ABCG2: variants seen among roughly 807,000 people sequenced by gnomAD.
ABCG2 encodes the protein ATP binding cassette subfamily G member 2 (JR blood group).
In ABCG2, 80 loss-of-function variants were observed where a neutral mutation model predicts 73.5. The observed-to-expected ratio is 1.09, with a 90% CI of 0.91 to 1.31. The LOEUF (loss-of-function observed/expected upper bound fraction) is 1.31. Among genes scored for constraint, ABCG2 ranks in the 50% most tolerant of loss-of-function variants. ABCG2 has a pLI of 0.00. For synonymous variants in ABCG2, 269 were observed against 282.4 expected, an observed-to-expected ratio of 0.95 and a Z score of 0.48; for missense variants, 796 against 786.2, an observed-to-expected ratio of 1.01 and a Z score of -0.15.
At chr4:88,183,364 T>C (rs1431382140) in intron 1 of ABCG2, among the ~76,000 whole-genome samples, 1 of 151,636 alleles carries the variant, frequency 6.6e-6, no homozygotes, top group Non-Finnish European at 1.5e-5. Context: ...AACAAATAAA[T>C]AAAATCAGAG....
chr4:88,127,945 C>CAAA (rs202145272), intron 5 of ABCG2, among the ~76,000 whole-genome samples: 2 of 100,326 alleles, frequency 2.0e-5, no homozygotes, highest in Non-Finnish European at 4.2e-5. Context: ...TTCTGCACAG[C>CAAA]AAAAAAAAAG....
In ABCG2 at chr4:88,091,957, C is replaced by G; in HGVS notation, c.*277G>C. ...TAACTTGTCAGGAGTTTCCAGAATT[C>G]AATTCTCCTTTTTTAGATTAATAAA... On this transcript the variant is annotated 3_prime_UTR_variant, in exon 16 of 16. Transcript: ENST00000237612. The G allele has an allele frequency of 3.7e-6, 1 of 270,440 alleles. No individual in the cohort carries two copies. The highest frequency in any genetic ancestry group is 7.0e-6 in the Non-Finnish European group (1 of 143,640). The allele number at this position is 270,440 out of a possible 1,614,324, so 16.8% of individuals were successfully genotyped here. A position where few individuals can be genotyped will look rare whatever the true frequency, so the allele number is the denominator to read the frequency against.
chr4:88,139,591 T>C (rs970248051), intron 2 of ABCG2, among the ~76,000 whole-genome samples: 9 of 152,190 alleles, frequency 5.9e-5, no homozygotes, highest in Admixed American at 1.3e-4. Flanking sequence ...GGCAGTTACT[T>C]TGAGAGTCAA....
At chr4:88,094,793 C>A in intron 14 of ABCG2, 134 bp from the exon 15 acceptor site, 1 of 723,672 alleles carries the variant, frequency 1.4e-6, no homozygotes, top group Non-Finnish European at 2.3e-6. Context: ...GTCTTTGTCT[C>A]ACCAAACCAA....
At chr4:88,179,179 C>T (rs1400519017) in intron 1 of ABCG2, among the ~76,000 whole-genome samples, 2 of 152,146 alleles carry the variant, frequency 1.3e-5, no homozygotes, top group Non-Finnish European at 2.9e-5. Flanking sequence ...TCTCCTAGCT[C>T]CAGGCGGCTG....
rs1228936079 is a variant in ABCG2 at position 88,222,534 on chromosome 4, C to T, written c.-20+8460G>A. Among the ~76,000 whole-genome samples the T allele has an allele frequency of 2.0e-5, 3 of 152,236 alleles. No homozygotes were observed. In the East Asian group the frequency reaches 5.8e-4, roughly 29 times the overall value. ...CTGCCACCATCCACATAAGATGTGA[C>T]TTGCTACTCCTGGCCTTCTGCCATG... On this transcript the variant is annotated intron_variant, in intron 1 of 15. Coordinates refer to the ABCG2 transcript ENST00000515655.
At chr4:88,144,449 C>CTTTTT (rs59434855) in intron 1 of ABCG2, among the ~76,000 whole-genome samples, 35 of 77,594 alleles carry the variant, frequency 4.5e-4, no homozygotes, top group African/African-American at 6.3e-4. Flanking sequence ...CACATTTTTA[C>CTTTTT]TTTTTTTTTT....
At chr4:88,175,298 G>A (rs929872586) in intron 1 of ABCG2, among the ~76,000 whole-genome samples, 4 of 152,172 alleles carry the variant, frequency 2.6e-5, no homozygotes, top group African/African-American at 9.7e-5. Context: ...CATCCTAGGT[G>A]TTGTATACTT....
At chr4:88,097,758 A>T (rs1266851076) in intron 12 of ABCG2, 151 bp from the exon 13 acceptor site, 7 of 760,556 alleles carry the variant, frequency 9.2e-6, no homozygotes, top group Non-Finnish European at 1.5e-5. Flanking sequence ...CTCGGTCTCC[A>T]ATGTTGTGTC....
upstream of ABCG2, among the ~76,000 whole-genome samples, chr4:88,162,756 C>T (rs1727366387): frequency 6.6e-6 from 1 of 152,128 alleles, no homozygotes; most frequent in Non-Finnish European, 1.5e-5. Context: ...GATGACTTTC[C>T]TCATTTTACA....
intron 8 of ABCG2, among the ~76,000 whole-genome samples, chr4:88,114,215 G>C (rs1723365038): frequency 6.6e-6 from 1 of 152,102 alleles, no homozygotes; most frequent in Non-Finnish European, 1.5e-5. Flanking sequence ...AAACTACAGA[G>C]AAATAGCCTG....
chr4:88,118,281 T>G (rs901113502), intron 6 of ABCG2, 21 bp from the exon 7 acceptor site: 11 of 1,610,008 alleles, frequency 6.8e-6, no homozygotes, highest in Non-Finnish European at 9.3e-6. Flanking sequence ...AGTGAGACAA[T>G]ACTAAGTCAT....
intron 10 of ABCG2, among the ~76,000 whole-genome samples, chr4:88,102,691 C>G (rs1722508901): frequency 1.3e-5 from 2 of 151,906 alleles, no homozygotes; most frequent in African/African-American, 4.8e-5. Flanking sequence ...AGCATGCCAA[C>G]ATCCCTGAAA....
At position 88,167,988 on chromosome 4, in the gene ABCG2, A is replaced by C. The variant is rs114614107; in HGVS notation, c.-19-27974T>G. Among the ~76,000 whole-genome samples, 539 of 152,066 alleles carry C rather than the reference A, an allele frequency of 3.5e-3. 6 individuals carry two copies. The highest frequency in any genetic ancestry group is 0.012 in the African/African-American group (504 of 41,460). ...TAGCAATAATCTTGGAGAGACGAGA[A>C]ATGTCAAAAAGCAGGCGTCAAAGTC... On this transcript the variant is annotated intron_variant, in intron 1 of 15. Transcript: ENST00000515655.
At chr4:88,117,672 A>G (rs946477224) in intron 7 of ABCG2, among the ~76,000 whole-genome samples, 7 of 152,186 alleles carry the variant, frequency 4.6e-5, no homozygotes, top group African/African-American at 1.7e-4. Flanking sequence ...TAGCATTTCC[A>G]TGAGTGCTCA....
upstream of ABCG2, chr4:88,159,309 G>T (rs1313902676): frequency 2.3e-6 from 1 of 433,580 alleles, no homozygotes; most frequent in Non-Finnish European, 4.7e-6. Flanking sequence ...CTCGCACCCA[G>T]AGCAAGTTAA....
intron 1 of ABCG2, among the ~76,000 whole-genome samples, chr4:88,175,368 C>T (rs1727915459): frequency 6.6e-6 from 1 of 152,174 alleles, no homozygotes; most frequent in African/African-American, 2.4e-5. Context: ...TTACTAGACC[C>T]ATTAAGTATT....
chr4:88,159,301 C>T (rs1578245141), upstream of ABCG2: 1 of 442,314 alleles, frequency 2.3e-6, no homozygotes, highest in Non-Finnish European at 4.6e-6. Flanking sequence ...AAGCGCTGCT[C>T]GCACCCAGAG....
chr4:88,096,750 T>TA (rs4148164), intron 13 of ABCG2, among the ~76,000 whole-genome samples: 85 of 145,142 alleles, frequency 5.9e-4, no homozygotes, highest in Non-Finnish European at 5.9e-4. Context: ...AAGTAACCAT[T>TA]AAAAAAAAAA....
Sources: gnomAD v4.1 joint callset for allele counts (sites outside exome capture counted in the v4.1 genomes callset) on GRCh38, gnomAD v4.1.1 for gene constraint, MANE v1.5 for transcripts, NCBI Gene and HGNC (gene_info 2026-07-23, HGNC 2026-07-21) for gene names.